ITGB1: variants seen among roughly 807,000 people sequenced by gnomAD.
ITGB1 encodes integrin subunit beta 1.
ITGB1 carries 24 observed loss-of-function variants against 86.5 expected under a neutral mutation model. The ratio of observed to expected loss-of-function variants is 0.28; its 90% CI spans 0.20 to 0.39. The LOEUF (loss-of-function observed/expected upper bound fraction) is 0.39. ITGB1 is among the 10% of genes least tolerant of loss of function. The pLI, the probability that ITGB1 is intolerant of heterozygous loss-of-function variation, is 1.00. For missense variants in ITGB1, 556 were observed against 946.9 expected (o/e 0.59, Z 5.42); for synonymous variants, 323 against 316.8 (o/e 1.02, Z -0.21).
intron 4 of ITGB1, among the ~76,000 whole-genome samples, 178 bp from the exon 5 acceptor site, chr10:32,928,442 T>G (rs2094972465): frequency 6.6e-6 from 1 of 152,184 alleles, no homozygotes; most frequent in African/African-American, 2.4e-5. Flanking sequence ...TCAGTTTCAT[T>G]CAACAAATAC....
chr10:32,940,625 C>A (rs1443602627), intron 1 of ITGB1, among the ~76,000 whole-genome samples: 1 of 152,174 alleles, frequency 6.6e-6, no homozygotes, highest in African/African-American at 2.4e-5. Flanking sequence ...CATTATGTGG[C>A]ACATAACTGT....
intron 15 of ITGB1, chr10:32,906,571 C>CAG: frequency 5.8e-6 from 1 of 173,128 alleles, no homozygotes; most frequent in African/African-American, 2.4e-5. Flanking sequence ...GGCTGGGCGA[C>CAG]AGAGAGAGAC....
intron 1 of ITGB1, among the ~76,000 whole-genome samples, chr10:32,937,210 T>G (rs1394237158): frequency 4.6e-5 from 7 of 152,194 alleles, no homozygotes; most frequent in Non-Finnish European, 1.0e-4. Context: ...GAAATCTAAC[T>G]GCATCAAGTT....
At position 32,911,893 on chromosome 10, in the gene ITGB1, A is replaced by G; in HGVS notation, c.1701T>C (p.Ile567=). The part of the protein sequence containing the change: ...NFNCDRSNGL[I]CGGNGVCKCR... ...TTCAGGCCCTTTACTTACCTCCACA[A>G]ATTAAGCCATTGGATCTATCACAGT... The change falls in exon 12 of 16, where the codon ATT becomes ATC. Residue 567 remains isoleucine, a synonymous_variant. Transcript: ENST00000302278. 6.2e-7 allele frequency: 1 copy of G among 1,610,612 alleles called. No homozygotes were observed. The highest frequency in any genetic ancestry group is 8.5e-7 in the Non-Finnish European group (1 of 1,178,102).
intron 7 of ITGB1, among the ~76,000 whole-genome samples, 189 bp from the exon 8 acceptor site, chr10:32,922,924 G>A (rs2094954603): frequency 6.6e-6 from 1 of 151,978 alleles, no homozygotes; most frequent in Non-Finnish European, 1.5e-5. Flanking sequence ...TAGATTACAA[G>A]ACTGCTTTCA....
chr10:32,947,975 C>A lies in ITGB1; in HGVS notation c.-1+10170G>T, dbSNP rs1328657988. Among the ~76,000 whole-genome samples the A allele has an allele frequency of 2.7e-5, 4 of 150,366 alleles. No homozygotes were observed. The East Asian group carries it at 7.8e-4, about 29-fold the overall frequency. On this transcript the variant is annotated intron_variant, in intron 1 of 15. Transcript: ENST00000302278. ...TGTTACAGGAAGCGCTCAATAACAA[C>A]GTAATTGAATAAAGAAGTAACTATG...
At chr10:32,908,249 G>A in intron 15 of ITGB1, 119 bp downstream of exon 15, 2 of 962,900 alleles carry the variant, frequency 2.1e-6, no homozygotes, top group East Asian at 2.4e-5. Context: ...AGAAACTTTT[G>A]GGGGAATAAA....
chr10:32,944,736 T>C (rs1457116378), intron 1 of ITGB1: 9 of 702,294 alleles, frequency 1.3e-5, no homozygotes, highest in South Asian at 5.4e-5. Context: ...AATGTGCCCT[T>C]TGAGGTCATT....
chr10:32,926,255 T>A, intron 5 of ITGB1, 146 bp from the exon 6 acceptor site: 1 of 644,990 alleles, frequency 1.6e-6, no homozygotes, highest in Non-Finnish European at 2.7e-6. Context: ...ATTCCTACAT[T>A]GAAAACCTAA....
In ITGB1 at chr10:32,931,681, C is replaced by T. The variant is rs77600162; in HGVS notation, c.153+834G>A. Reference sequence around the variant, plus strand: ...TTTTCTTTCATGTGGTCAAACCATACGACATATCTGACACTTGACCACTTA... The same window carrying T: ...TTTTCTTTCATGTGGTCAAACCATATGACATATCTGACACTTGACCACTTA... On this transcript the variant is annotated intron_variant, in intron 3 of 15. Coordinates refer to ENST00000302278, the MANE Select transcript of ITGB1 (RefSeq NM_002211.4). 1.1e-3 allele frequency among the ~76,000 whole-genome samples: 162 copies of T among 152,188 alleles called. 4 individuals are homozygous for T. In the East Asian group the frequency reaches 0.029, roughly 27 times the overall value.
At chr10:32,956,991 G>C (rs1565837093) in intron 1 of ITGB1, among the ~76,000 whole-genome samples, 2 of 152,142 alleles carry the variant, frequency 1.3e-5, no homozygotes, top group Non-Finnish European at 2.9e-5. Context: ...AGGAGCTCCT[G>C]ATGACCACAG....
chr10:32,940,868 C>T (rs1379548379), intron 1 of ITGB1, among the ~76,000 whole-genome samples: 2 of 152,236 alleles, frequency 1.3e-5, no homozygotes, highest in African/African-American at 4.8e-5. Flanking sequence ...CCCTTGAACT[C>T]TACTGGTTTC....
intron 1 of ITGB1, among the ~76,000 whole-genome samples, chr10:32,942,303 A>T (rs1446268195): frequency 1.3e-5 from 2 of 152,142 alleles, no homozygotes; most frequent in Non-Finnish European, 2.9e-5. Flanking sequence ...AAATAGGAAG[A>T]ACTCCTAGGA....
At chr10:32,916,423 T>A (rs1352022192) in intron 11 of ITGB1, among the ~76,000 whole-genome samples, 1 of 152,216 alleles carries the variant, frequency 6.6e-6, no homozygotes, top group African/African-American at 2.4e-5. Flanking sequence ...GATGACATGA[T>A]TGTATATTTA....
At chr10:32,940,184 A>C (rs546833414) in intron 1 of ITGB1, among the ~76,000 whole-genome samples, 1 of 152,208 alleles carries the variant, frequency 6.6e-6, no homozygotes, top group East Asian at 1.9e-4. Context: ...TCTCTACAAA[A>C]AAATACAAAA....
At chr10:32,927,109 CA>C (rs2094967496) in intron 5 of ITGB1, among the ~76,000 whole-genome samples, 1 of 152,138 alleles carries the variant, frequency 6.6e-6, no homozygotes, top group Non-Finnish European at 1.5e-5. Flanking sequence ...GAATTCTGGC[CA>C]TTTTAAAAAA....
Position 32,928,269 on chromosome 10 carries a change from T to TCGCAAAACCAACTGCTGTGG in ITGB1, c.377-6_377-5insCCACAGCAGTTGGTTTTGCG. 1 of 849,144 alleles carries TCGCAAAACCAACTGCTGTGG rather than the reference T, an allele frequency of 1.2e-6. No individual in the cohort carries two copies. The highest frequency in any genetic ancestry group is 2.0e-5 in the Admixed American group (1 of 51,250). 52.6% of individuals were successfully genotyped at this position (849,144 alleles called of 1,614,324 possible). A position where few individuals can be genotyped will look rare whatever the true frequency, so the allele number is the denominator to read the frequency against. On this transcript the variant is annotated splice_region_variant and splice_polypyrimidine_tract_variant and intron_variant, in intron 4 of 15. Transcript: ENST00000302278. ...ATGTAAATGTCTGTGGCTCCCCTAA[T>TCGCAAAACCAACTGCTGTGG]TAGACAAGAGATTAGAAAATGAAAC...
rs752076746 is a variant in ITGB1, at chr10:32,923,648, A to T, written c.879T>A (p.Ile293=). The T allele has an allele frequency of 1.2e-6, 2 of 1,613,972 alleles. No homozygotes were observed. Among genetic ancestry groups the T allele is most frequent in the Non-Finnish European group, 1.7e-6 (2 of 1,179,898 alleles). ...HFAGDGKLGG[I]VLPNDGQCHL... is the part of the protein sequence containing the mutation. ...GACATTGTCCATCATTTGGTAAAAC[A>T]ATGCCACCAAGTTTCCCATCTCCAG... is the stretch of plus-strand genomic sequence containing the variant. The change falls in exon 7 of 16, where the codon ATT becomes ATA. Residue 293 remains isoleucine, a synonymous_variant. Transcript: ENST00000302278.
At chr10:32,948,777 G>A (rs769044831) in intron 1 of ITGB1, among the ~76,000 whole-genome samples, 2 of 152,042 alleles carry the variant, frequency 1.3e-5, no homozygotes, top group Non-Finnish European at 2.9e-5. Flanking sequence ...GGACTTCCCA[G>A]CCCCCAGAAC....
Sources: gnomAD v4.1 joint callset for allele counts (sites outside exome capture counted in the v4.1 genomes callset) on GRCh38, gnomAD v4.1.1 for gene constraint, MANE v1.5 for transcripts, NCBI Gene and HGNC (gene_info 2026-07-23, HGNC 2026-07-21) for gene names.